TACR3: variants seen among roughly 807,000 people sequenced by gnomAD.
TACR3 encodes the protein neuromedin-K receptor.
Under a neutral mutation model 35.0 loss-of-function variants are expected in TACR3, and 34 were observed. The observed-to-expected ratio is 0.97, with a 90% CI of 0.74 to 1.30. The LOEUF (loss-of-function observed/expected upper bound fraction) is 1.30. Ranked by LOEUF, TACR3 falls within the 50% of genes most tolerant of loss-of-function variation. The pLI, the probability that TACR3 is intolerant of heterozygous loss-of-function variation, is 0.00. For missense variants in TACR3, 558 were observed against 591.7 expected (o/e 0.94, Z 0.59); for synonymous variants, 233 against 221.1 (o/e 1.05, Z -0.48).
intron 3 of TACR3, among the ~76,000 whole-genome samples, chr4:103,629,863 AAAAAAAAAC>A (rs1725011911): frequency 2.8e-5 from 2 of 71,614 alleles, no homozygotes; most frequent in Admixed American, 1.1e-4. Flanking sequence ...AAAAAAAACA[AAAAAAAAAC>A]AAAAAAAACA....
At chr4:103,705,448 G>A (rs60179252) in intron 1 of TACR3, among the ~76,000 whole-genome samples, 17,699 of 152,064 alleles carry the variant, frequency 0.12, 1,341 homozygotes, top group East Asian at 0.37. Context: ...TGACAGGCAT[G>A]AGAATGCAAA....
At chr4:103,680,899 G>A (rs2110208923) in intron 1 of TACR3, among the ~76,000 whole-genome samples, 1 of 151,868 alleles carries the variant, frequency 6.6e-6, no homozygotes, top group South Asian at 2.1e-4. Flanking sequence ...TTTGATAACA[G>A]CATTCACATT....
intron 1 of TACR3, among the ~76,000 whole-genome samples, chr4:103,692,707 C>G (rs987152364): frequency 6.6e-6 from 1 of 152,074 alleles, no homozygotes; most frequent in Non-Finnish European, 1.5e-5. Context: ...GAACCACATC[C>G]AGATAGCAAA....
intron 1 of TACR3, among the ~76,000 whole-genome samples, chr4:103,662,581 A>G (rs563471042): frequency 1.3e-5 from 2 of 152,174 alleles, no homozygotes; most frequent in South Asian, 2.1e-4. Flanking sequence ...AGGACCCAAC[A>G]CCCAGTATCA....
chr4:103,596,067 A>G (rs1182590116), intron 3 of TACR3, among the ~76,000 whole-genome samples: 2 of 150,912 alleles, frequency 1.3e-5, no homozygotes, highest in African/African-American at 4.9e-5. Flanking sequence ...ATGTCCCTAC[A>G]AAGGACATGA....
intron 1 of TACR3, among the ~76,000 whole-genome samples, chr4:103,658,793 G>A (rs1273479881): frequency 6.6e-6 from 1 of 152,080 alleles, no homozygotes; most frequent in Non-Finnish European, 1.5e-5. Context: ...AGTGGGTGAG[G>A]GAGCGATGGT....
intron 1 of TACR3, among the ~76,000 whole-genome samples, chr4:103,717,232 T>C (rs1476207600): frequency 6.6e-6 from 1 of 152,154 alleles, no homozygotes; most frequent in East Asian, 1.9e-4. Context: ...TTCTGTTTTT[T>C]TTTAATCAAC....
At chr4:103,651,695 T>TGAG (rs1407052669) in intron 3 of TACR3, among the ~76,000 whole-genome samples, 1 of 151,936 alleles carries the variant, frequency 6.6e-6, no homozygotes, top group Admixed American at 6.6e-5. Flanking sequence ...GGGAATGTGC[T>TGAG]GAGTCTCACT....
In TACR3 at chr4:103,591,540, C is replaced by T. The variant is rs367647559; in HGVS notation, c.1032G>A (p.Leu344=). The T allele has an allele frequency of 6.2e-7, 1 of 1,613,744 alleles. No homozygotes were observed. The highest frequency in any genetic ancestry group is 1.3e-5 in the African/African-American group (1 of 74,888). The part of the protein sequence containing the change: ...IQQVYLASFW[L]AMSSTMYNPI... ...GATTGTACATGGTTGAGCTCATTGC[C>T]AGCCAAAAGCTAGCCAGGTAGACCT... Residue 344 remains leucine (L), a synonymous_variant, in exon 4 of 5, where the codon CTG becomes CTA. Transcript: ENST00000304883.
At chr4:103,651,728 C>A (rs191284283) in intron 3 of TACR3, among the ~76,000 whole-genome samples, 3 of 151,982 alleles carry the variant, frequency 2.0e-5, no homozygotes, top group Admixed American at 2.0e-4. Context: ...GTCTCAGGCT[C>A]ACCCAAGGCC....
At chr4:103,603,880 C>A (rs1200917864) in intron 3 of TACR3, among the ~76,000 whole-genome samples, 2 of 152,052 alleles carry the variant, frequency 1.3e-5, no homozygotes, top group African/African-American at 4.8e-5. Context: ...AACCACTGCT[C>A]AAGGAAATAA....
chr4:103,612,926 C>G (rs1724543302), intron 3 of TACR3, among the ~76,000 whole-genome samples: 1 of 152,074 alleles, frequency 6.6e-6, no homozygotes, highest in African/African-American at 2.4e-5. Flanking sequence ...ATGAATGGTA[C>G]AAAGTGAAAG....
At chr4:103,656,394 A>G (rs1170034451) in intron 2 of TACR3, 50 bp from the exon 3 acceptor site, 6 of 1,574,816 alleles carry the variant, frequency 3.8e-6, no homozygotes, top group Non-Finnish European at 4.4e-6. Context: ...GGAATGAAAT[A>G]TTGGGGACTG....
rs1039114547 is a variant in TACR3, at chr4:103,652,165, A to G, written c.888+4029T>C. Among the ~76,000 whole-genome samples the G allele has an allele frequency of 3.3e-5, 5 of 152,208 alleles. No individual in the cohort carries two copies. In the East Asian group the frequency reaches 9.7e-4, roughly 29 times the overall value. On this transcript the variant is annotated intron_variant, in intron 3 of 4. Coordinates refer to ENST00000304883, the MANE Select transcript of TACR3 (RefSeq NM_001059.3). ...CCCCGCACAGCACTATGACTCACAT[A>G]GGAGTTGCGGTCTTTGTGGCCTATA...
chr4:103,653,704 A>C (rs1310857779), intron 3 of TACR3, among the ~76,000 whole-genome samples: 1 of 151,934 alleles, frequency 6.6e-6, no homozygotes, highest in Non-Finnish European at 1.5e-5. Flanking sequence ...AATGGGATCT[A>C]ATTAAACTAA....
At chr4:103,690,105 A>G (rs1722366694) in intron 1 of TACR3, among the ~76,000 whole-genome samples, 2 of 152,190 alleles carry the variant, frequency 1.3e-5, no homozygotes, top group South Asian at 4.1e-4. Flanking sequence ...TGTCTTTCAA[A>G]AACAAGTTGA....
chr4:103,586,988 T>TA lies in TACR3; in HGVS notation c.*2693dup, dbSNP rs1415616092. ...TGAATTTTTCTGATACTGATCTAAG[T>TA]AAAAAAACCTGGGCTGTTTTAACCA... On this transcript the variant is annotated 3_prime_UTR_variant, in exon 5 of 5. Transcript: ENST00000304883. The TA allele has an allele frequency of 3.3e-5, 5 of 151,990 alleles. No homozygotes were observed. The highest frequency in any genetic ancestry group is 1.2e-4 in the African/African-American group (5 of 41,384). 9.4% of individuals were successfully genotyped at this position (151,990 alleles called of 1,614,324 possible).
At position 103,618,678 on chromosome 4, in the gene TACR3, C is replaced by T. The variant is rs114498628; in HGVS notation, c.889-26995G>A. Among the ~76,000 whole-genome samples, 691 of 121,826 alleles carry T rather than the reference C, an allele frequency of 5.7e-3. 6 individuals carry two copies. The highest frequency in any genetic ancestry group is 0.023 in the African/African-American group (658 of 28,454). The allele number at this position is 121,826 out of a possible 152,430, so 79.9% of individuals were successfully genotyped here. A position where few individuals can be genotyped will look rare whatever the true frequency, so the allele number is the denominator to read the frequency against. Reference sequence around the variant, plus strand: ...GGAATAGCACTGAATCTGTAAATTGCTTTGGGAAGTGTGACCATTTTTACG... The same window carrying T: ...GGAATAGCACTGAATCTGTAAATTGTTTTGGGAAGTGTGACCATTTTTACG... On this transcript the variant is annotated intron_variant, in intron 3 of 4. Transcript: ENST00000304883.
chr4:103,650,375 G>A (rs1336263429), intron 3 of TACR3, among the ~76,000 whole-genome samples: 3 of 145,534 alleles, frequency 2.1e-5, no homozygotes, highest in African/African-American at 7.9e-5. Flanking sequence ...TGAGTTAGTG[G>A]GTGCAGCACA....
Sources: gnomAD v4.1 joint callset for allele counts (sites outside exome capture counted in the v4.1 genomes callset) on GRCh38, gnomAD v4.1.1 for gene constraint, MANE v1.5 for transcripts, NCBI Gene and HGNC (gene_info 2026-07-23, HGNC 2026-07-21) for gene names.